STK26: variants seen among roughly 807,000 people sequenced by gnomAD.
The protein encoded by STK26 is serine/threonine kinase 26.
STK26 carries 14 observed loss-of-function variants against 34.7 expected under a neutral mutation model. That is an observed-to-expected ratio of 0.40 (90% confidence interval 0.27 to 0.63). The LOEUF is 0.63. Ranked by LOEUF, STK26 falls within the 30% of genes least tolerant of loss-of-function variation. The pLI, the probability that STK26 is intolerant of heterozygous loss-of-function variation, is 0.38. For synonymous variants in STK26, 100 were observed against 109.8 expected (o/e 0.91, Z 0.56); for missense variants, 226 against 309.1 (o/e 0.73, Z 2.02).
Position 132,072,276 on chromosome X carries a change from C to T in STK26, c.941C>T (p.Thr314Ile), listed in dbSNP as rs1927439359. The T allele has an allele frequency of 8.3e-7, 1 of 1,204,129 alleles. No homozygotes were observed. The highest frequency in any genetic ancestry group is 2.2e-5 in the Admixed American group (1 of 45,576). Residue 314 changes from threonine to isoleucine, a missense_variant, in exon 9 of 12, where the codon ACC becomes ATC. Coordinates refer to ENST00000394334, the MANE Select transcript of STK26 (RefSeq NM_016542.4). ...TTTGGCAATCTCTTTAGGGAATCTA[C>T]CAGCAGGGAAAACAATACTCATCCT... The part of the protein sequence containing the change: ...SDSEGSDSES[T>I]SRENNTHPEW...
chrX:132,038,460 C>T (rs934977426), intron 2 of STK26, among the ~76,000 whole-genome samples: 1 of 111,456 alleles, frequency 9.0e-6, no homozygotes, highest in African/African-American at 3.3e-5. Context: ...TCTAACATAA[C>T]GGGAATGGTG....
intron 2 of STK26, among the ~76,000 whole-genome samples, chrX:132,046,971 A>T (rs1465098870): frequency 8.9e-6 from 1 of 112,433 alleles, no homozygotes; most frequent in Admixed American, 9.4e-5. Context: ...TAACATTTTC[A>T]TTGTACACTT....
At chrX:132,025,068 A>T (rs1307712595) in intron 2 of STK26, among the ~76,000 whole-genome samples, 2 of 110,441 alleles carry the variant, frequency 1.8e-5, no homozygotes, top group Non-Finnish European at 3.8e-5. Flanking sequence ...TCTTTTCCCC[A>T]CGCACCCTGC....
intron 2 of STK26, among the ~76,000 whole-genome samples, chrX:132,046,875 T>C (rs1161153369): frequency 8.9e-6 from 1 of 112,335 alleles, no homozygotes; most frequent in African/African-American, 3.2e-5. Flanking sequence ...GGAATTTGAC[T>C]GCTACTTTAT....
chrX:132,054,541 A>G, intron 2 of STK26, 90 bp from the exon 3 acceptor site: 1 of 813,441 alleles, frequency 1.2e-6, no homozygotes, highest in Non-Finnish European at 1.8e-6. Context: ...AAAATGTGTT[A>G]TTGTCTTATG....
chrX:132,071,786 T>C (rs984966765), intron 8 of STK26, among the ~76,000 whole-genome samples: 6 of 112,580 alleles, frequency 5.3e-5, no homozygotes, highest in Admixed American at 2.8e-4. Context: ...CAGAATTTAG[T>C]CCTCCACCAG....
chrX:132,034,633 T>C (rs1469201601), intron 2 of STK26, among the ~76,000 whole-genome samples: 2 of 110,726 alleles, frequency 1.8e-5, no homozygotes, highest in East Asian at 5.6e-4. Context: ...AACAAGGAGG[T>C]TTGGGTTTTT....
At chrX:132,043,699 A>C (rs186164299) in intron 2 of STK26, among the ~76,000 whole-genome samples, 1 of 111,603 alleles carries the variant, frequency 9.0e-6, no homozygotes, top group Admixed American at 9.5e-5. Context: ...CAAGGCCTCT[A>C]ATCTTTGCAT....
chrX:132,036,075 G>C (rs1466542091), intron 2 of STK26, among the ~76,000 whole-genome samples: 2 of 111,782 alleles, frequency 1.8e-5, no homozygotes, highest in Admixed American at 9.5e-5. Flanking sequence ...GGAAAGCTCT[G>C]AGTTTAGTTC....
chrX:132,042,287 G>A (rs1171514849), intron 2 of STK26, among the ~76,000 whole-genome samples: 1 of 111,063 alleles, frequency 9.0e-6, no homozygotes, highest in Non-Finnish European at 1.9e-5. Context: ...GTGAAAATAT[G>A]ACAATATTTA....
At position 132,071,216 on chromosome X, in the gene STK26, T is replaced by C; in HGVS notation, c.931T>C (p.Ser311Pro). 8.3e-7 allele frequency: 1 copy of C among 1,205,844 alleles called. No individual in the cohort carries two copies. Among genetic ancestry groups the C allele is most frequent in the Non-Finnish European group, 1.1e-6 (1 of 892,738 alleles). Residue 311 changes from serine to proline, a missense_variant and splice_region_variant, in exon 8 of 12, where the codon TCG becomes CCG. By Grantham distance (74) the Ser-to-Pro change is moderately conservative. Transcript: ENST00000394334. The part of the protein sequence containing the change: ...DDESDSEGSD[S>P]ESTSRENNTH... ...TGAATCTGATTCCGAGGGCTCTGAT[T>C]CGTATGTACAAATTATTTAATTTTT... is the stretch of plus-strand genomic sequence containing the variant.
intron 2 of STK26, among the ~76,000 whole-genome samples, chrX:132,044,787 TTATA>T (rs1294929869): frequency 2.9e-5 from 1 of 34,299 alleles, no homozygotes; most frequent in African/African-American, 1.4e-4. Flanking sequence ...ATATATATAT[TTATA>T]TATATAGAGA....
chrX:132,061,878 G>A (rs1175316837), intron 3 of STK26, among the ~76,000 whole-genome samples: 1 of 111,635 alleles, frequency 9.0e-6, no homozygotes, highest in African/African-American at 3.3e-5. Context: ...AGGGCTACTG[G>A]CAGTAGCTTG....
intron 2 of STK26, among the ~76,000 whole-genome samples, chrX:132,034,095 A>G (rs1602744735): frequency 1.0e-5 from 1 of 96,358 alleles, no homozygotes; most frequent in East Asian, 3.0e-4. Context: ...CCTAAAACTT[A>G]AAAGTATAAT....
chrX:132,065,797 C>T (rs534406396), intron 4 of STK26, among the ~76,000 whole-genome samples: 1 of 112,014 alleles, frequency 8.9e-6, no homozygotes, highest in South Asian at 3.7e-4. Flanking sequence ...GAAATTGAAT[C>T]AGTAATCTCT....
rs1927527448 is a variant in STK26, at chrX:132,074,368, C to CA, written c.*209_*210insA. On this transcript the variant is annotated 3_prime_UTR_variant, in exon 12 of 12. Coordinates refer to ENST00000394334, the MANE Select transcript of STK26 (RefSeq NM_016542.4). Reference sequence around the variant, plus strand: ...ATTTTGTAAGGAATAACTTTTAATACTATAGTTTCACCTGTATTCTAGTAA... The same window carrying CA: ...ATTTTGTAAGGAATAACTTTTAATACATATAGTTTCACCTGTATTCTAGTAA... 2.8e-6 allele frequency: 1 copy of CA among 351,566 alleles called. No homozygotes were observed. The highest frequency in any genetic ancestry group is 4.9e-6 in the Non-Finnish European group (1 of 202,532). The allele number at this position is 351,566 out of a possible 1,213,427, so 29.0% of individuals were successfully genotyped here.
intron 2 of STK26, among the ~76,000 whole-genome samples, chrX:132,029,858 T>C (rs1925764176): frequency 8.9e-6 from 1 of 111,742 alleles, no homozygotes; most frequent in Non-Finnish European, 1.9e-5. Flanking sequence ...TAATGTATTA[T>C]ACTGCCTTAG....
intron 2 of STK26, among the ~76,000 whole-genome samples, chrX:132,045,718 G>T (rs1488876574): frequency 2.7e-5 from 3 of 111,954 alleles, no homozygotes; most frequent in Middle Eastern, 4.3e-3. Context: ...TCGGTTTATT[G>T]AGAGAAGAAT....
chrX:132,071,707 C>T (rs1308639025), intron 8 of STK26, among the ~76,000 whole-genome samples: 1 of 111,619 alleles, frequency 9.0e-6, no homozygotes, highest in Non-Finnish European at 1.9e-5. Context: ...ATAACAGCAG[C>T]GTTTACATTA....
Sources: gnomAD v4.1 joint callset for allele counts (sites outside exome capture counted in the v4.1 genomes callset) on GRCh38, gnomAD v4.1.1 for gene constraint, MANE v1.5 for transcripts, NCBI Gene and HGNC (gene_info 2026-07-23, HGNC 2026-07-21) for gene names.